The following AGTPBP1 variants were observed in gnomAD, a reference collection of about 807,000 sequenced individuals.
AGTPBP1 encodes the protein ATP/GTP binding carboxypeptidase 1.
Under a neutral mutation model 143.9 loss-of-function variants are expected in AGTPBP1, and 70 were observed. That is an observed-to-expected ratio of 0.49 (90% CI 0.40 to 0.59). The LOEUF (loss-of-function observed/expected upper bound fraction) is 0.59, where lower values mean the gene tolerates loss of function less well. AGTPBP1 is among the 20% of genes least tolerant of loss of function. The pLI, the probability that AGTPBP1 is intolerant of heterozygous loss-of-function variation, is 0.00. For synonymous variants in AGTPBP1, 463 were observed against 500.2 expected, an observed-to-expected ratio of 0.93 and a Z score of 0.99; for missense variants, 1,229 against 1,464.5, an observed-to-expected ratio of 0.84 and a Z score of 2.62.
intron 3 of AGTPBP1, 21 bp downstream of exon 3, chr9:85,692,668 A>C (rs1401813507): frequency 6.2e-7 from 1 of 1,607,248 alleles, no homozygotes; most frequent in Admixed American, 1.7e-5. Context: ...TTTCAAAAAC[A>C]AAGAAGAGAT....
At chr9:85,571,442 C>T (rs972939664) in intron 25 of AGTPBP1, among the ~76,000 whole-genome samples, 2 of 152,074 alleles carry the variant, frequency 1.3e-5, no homozygotes, top group African/African-American at 4.8e-5. Flanking sequence ...TAAACAATGG[C>T]AGTAATAGAT....
At chr9:85,624,276 A>G (rs1427798849) in intron 14 of AGTPBP1, among the ~76,000 whole-genome samples, 1 of 152,222 alleles carries the variant, frequency 6.6e-6, no homozygotes, top group Non-Finnish European at 1.5e-5. Flanking sequence ...CAGTACATAT[A>G]TACGATCAAC....
At chr9:85,786,892 T>C in the AGTPBP1 span, among the ~76,000 whole-genome samples, 9 of 152,196 alleles carry the variant, frequency 5.9e-5, no homozygotes, top group Non-Finnish European at 1.3e-4. Flanking sequence ...GACTAAAATA[T>C]CTATCAAGTA....
At chr9:85,654,136 A>G (rs1219514414) in intron 11 of AGTPBP1, among the ~76,000 whole-genome samples, 1 of 152,214 alleles carries the variant, frequency 6.6e-6, no homozygotes, top group Admixed American at 6.5e-5. Flanking sequence ...CACTTGTTTC[A>G]AATAAGAATT....
rs1834907655 is a variant in AGTPBP1 at position 85,677,537 on chromosome 9, T to C, written c.335A>G (p.Gln112Arg). Residue 112 changes from glutamine to arginine, a missense_variant, in exon 6 of 26, where the codon CAA becomes CGA. Physicochemically the swap from Gln to Arg is conservative, Grantham distance 43. Transcript: ENST00000357081. ...ATTCATAAGTAACTGCAACAATATT[T>C]GTGAACCACCTTTGGTGACTAAGAA... The part of the protein sequence containing the change: ...VSFLVTKGGS[Q>R]ILLQLLMNAS... 6.2e-7 allele frequency: 1 copy of C among 1,601,006 alleles called. No homozygotes were observed. The highest frequency in any genetic ancestry group is 1.1e-5 in the South Asian group (1 of 88,978).
At chr9:85,709,012 C>T (rs1178936586) in intron 2 of AGTPBP1, among the ~76,000 whole-genome samples, 1 of 152,076 alleles carries the variant, frequency 6.6e-6, no homozygotes, top group African/African-American at 2.4e-5. Flanking sequence ...GTACCTAATA[C>T]CAAAACCAGA....
At chr9:85,601,436 A>T (rs1356955383) in intron 17 of AGTPBP1, among the ~76,000 whole-genome samples, 1 of 152,154 alleles carries the variant, frequency 6.6e-6, no homozygotes, top group African/African-American at 2.4e-5. Flanking sequence ...CAGCCATGTC[A>T]ACCAGCGCTG....
At chr9:85,575,085 C>A (rs978739874) in intron 25 of AGTPBP1, among the ~76,000 whole-genome samples, 1 of 152,050 alleles carries the variant, frequency 6.6e-6, no homozygotes, top group East Asian at 1.9e-4. Flanking sequence ...AAAAGTAAAC[C>A]AGTACAACCA....
Position 85,596,468 on chromosome 9 carries a change from A to G in AGTPBP1, c.2336-19T>C, listed in dbSNP as rs766800584. 1.4e-6 allele frequency: 2 copies of G among 1,480,762 alleles called. No homozygotes were observed. Among genetic ancestry groups the G allele is most frequent in the East Asian group, 2.3e-5 (1 of 43,128 alleles). 91.7% of individuals were successfully genotyped at this position (1,480,762 alleles called of 1,614,324 possible). A position where few individuals can be genotyped will look rare whatever the true frequency, so the allele number is the denominator to read the frequency against. ...TGCATACCTTTGAAAGAGAGAAAAAAAGAGAGAAAATTATTTTCATAATTT... is the reference window on the plus strand; with the variant it reads ...TGCATACCTTTGAAAGAGAGAAAAAGAGAGAGAAAATTATTTTCATAATTT... On this transcript the variant is annotated intron_variant, in intron 17 of 25. Coordinates refer to ENST00000357081, the MANE Select transcript of AGTPBP1 (RefSeq NM_001330701.2).
intron 1 of AGTPBP1, among the ~76,000 whole-genome samples, chr9:85,716,910 T>A (rs1388404451): frequency 6.6e-6 from 1 of 152,198 alleles, no homozygotes; most frequent in Non-Finnish European, 1.5e-5. Context: ...CTTTTCTCAG[T>A]CACTCTGCTC....
At chr9:85,561,985 C>T (rs1826764856) in intron 25 of AGTPBP1, among the ~76,000 whole-genome samples, 1 of 152,068 alleles carries the variant, frequency 6.6e-6, no homozygotes, top group South Asian at 2.1e-4. Context: ...GCACCTGCCA[C>T]CACGCCCAGC....
chr9:85,635,023 A>G (rs1369394154), intron 13 of AGTPBP1, among the ~76,000 whole-genome samples: 1 of 152,178 alleles, frequency 6.6e-6, no homozygotes, highest in African/African-American at 2.4e-5. Context: ...CATTTCTCTG[A>G]CTACTGGGAA....
intron 4 of AGTPBP1, among the ~76,000 whole-genome samples, chr9:85,680,951 T>C (rs1434698628): frequency 6.6e-6 from 1 of 152,232 alleles, no homozygotes; most frequent in Non-Finnish European, 1.5e-5. Flanking sequence ...CTTTATTTTC[T>C]ATACCAACTA....
intron 17 of AGTPBP1, among the ~76,000 whole-genome samples, chr9:85,598,415 T>C (rs930218646): frequency 6.6e-6 from 1 of 152,240 alleles, no homozygotes; most frequent in Non-Finnish European, 1.5e-5. Context: ...AATGGGATCC[T>C]AGTGAATCAA....
chr9:85,580,978 C>A (rs1040929399), intron 23 of AGTPBP1, among the ~76,000 whole-genome samples: 5 of 152,194 alleles, frequency 3.3e-5, no homozygotes, highest in African/African-American at 1.2e-4. Context: ...AGAGGCAAGT[C>A]TCACAATACA....
intron 18 of AGTPBP1, 104 bp downstream of exon 18, chr9:85,596,258 A>C: frequency 1.4e-6 from 1 of 734,110 alleles, no homozygotes; most frequent in South Asian, 2.1e-5. Context: ...CACAATTCAA[A>C]GTATGCAATA....
chr9:85,704,794 ATAAT>A (rs1836878236), intron 2 of AGTPBP1, among the ~76,000 whole-genome samples: 1 of 152,140 alleles, frequency 6.6e-6, no homozygotes, highest in African/African-American at 2.4e-5. Flanking sequence ...TACAAACATT[ATAAT>A]TAATAAACAA....
rs143741067 is a variant in AGTPBP1 at position 85,575,421 on chromosome 9, C to A, written c.3397G>T (p.Gly1133Cys). The A allele has an allele frequency of 1.9e-6, 3 of 1,609,530 alleles. No homozygotes were observed. Among genetic ancestry groups the A allele is most frequent in the Non-Finnish European group, 2.5e-6 (3 of 1,178,806 alleles). Residue 1133 changes from glycine (G) to cysteine (C), a missense_variant, in exon 25 of 26, where the codon GGT (glycine) becomes TGT (cysteine). Physicochemically the swap from Gly to Cys is radical, Grantham distance 159 (BLOSUM62 -3). Around this residue, in one of 2 missense-constraint regions of AGTPBP1, gnomAD observed 486 missense variants for 652.3 expected, o/e 0.75. Coordinates refer to ENST00000357081, the MANE Select transcript of AGTPBP1 (RefSeq NM_001330701.2). ...LEEMGAKFCV[G>C]LLRLKRLTSP... ...GTCAGTCTTTTCAAACGTAAAAGAC[C>A]AACACAAAATTTTGCTCCCATCTCT...
At chr9:85,636,739 G>C (rs940001048) in intron 13 of AGTPBP1, among the ~76,000 whole-genome samples, 20 of 152,112 alleles carry the variant, frequency 1.3e-4, no homozygotes, top group African/African-American at 4.8e-4. Context: ...AATTGCAAAA[G>C]AGGGAGGGCA....
Sources: allele counts gnomAD v4.1 joint callset (sites outside exome capture counted in the v4.1 genomes callset), GRCh38; gene constraint gnomAD v4.1.1; regional missense constraint gnomAD v4.1.1; transcripts MANE v1.5; gene names NCBI Gene and HGNC (gene_info 2026-07-23, HGNC 2026-07-21).